The following TIAM2 variants were observed in gnomAD, a reference collection of about 807,000 sequenced individuals.
The protein encoded by TIAM2 is rho guanine nucleotide exchange factor TIAM2.
In TIAM2, 80 loss-of-function variants were observed where a neutral mutation model predicts 152.9. The observed-to-expected ratio is 0.52, with a 90% CI of 0.44 to 0.63. The LOEUF (loss-of-function observed/expected upper bound fraction) is 0.63, where lower values mean the gene tolerates loss of function less well. Among genes scored for constraint, TIAM2 ranks in the 30% least tolerant of loss-of-function variants. The probability of loss-of-function intolerance (pLI) is 0.00; values close to 1 mark genes in which losing one functional copy is unlikely to be tolerated. For synonymous variants in TIAM2, 804 were observed against 838.0 expected (o/e 0.96, Z 0.70); for missense variants, 1,965 against 2,120.1 (o/e 0.93, Z 1.44).
chr6:155,210,870 G>C (rs1001128668), intron 14 of TIAM2, among the ~76,000 whole-genome samples: 3 of 152,208 alleles, frequency 2.0e-5, no homozygotes, highest in African/African-American at 7.2e-5. Flanking sequence ...GTTGCTGTTT[G>C]ATTGTAGGTC....
intron 1 of TIAM2, among the ~76,000 whole-genome samples, chr6:155,063,946 A>G (rs1041475382): frequency 6.6e-6 from 1 of 152,178 alleles, no homozygotes; most frequent in Admixed American, 6.5e-5. Context: ...GAAATTATGT[A>G]GCATGAAAGG....
At chr6:155,180,285 TCAAAA>T (rs1448049460) in intron 12 of TIAM2, among the ~76,000 whole-genome samples, 3 of 152,136 alleles carry the variant, frequency 2.0e-5, no homozygotes, top group Admixed American at 2.0e-4. Flanking sequence ...AAACTCCGTC[TCAAAA>T]CAAAACAAAA....
chr6:155,215,612 G>C (rs1781835095), intron 15 of TIAM2, among the ~76,000 whole-genome samples: 1 of 151,920 alleles, frequency 6.6e-6, no homozygotes, highest in Non-Finnish European at 1.5e-5. Context: ...AGAAGAATCA[G>C]TGGCCACCAA....
chr6:155,028,749 CATATA>C lies in TIAM2; in HGVS notation c.-209+33263_-209+33267del, dbSNP rs1267417833. 8.1e-5 allele frequency among the ~76,000 whole-genome samples: 10 copies of C among 123,906 alleles called. 1 individual carries two copies. The highest frequency in any genetic ancestry group is 1.3e-4 in the Non-Finnish European group (8 of 63,138). The allele number at this position is 123,906 out of a possible 152,430, so 81.3% of individuals were successfully genotyped here. On this transcript the variant is annotated intron_variant, in intron 1 of 26. Transcript: ENST00000682666. ...AATATATATACTGTGTTATATACTA[CATATA>C]ATATATATACTGTGTTATATACTAC...
At chr6:155,210,538 T>C (rs73577439) in intron 14 of TIAM2, among the ~76,000 whole-genome samples, 2,455 of 152,178 alleles carry the variant, frequency 0.016, 75 homozygotes, top group African/African-American at 0.056. Flanking sequence ...AGTCTCACTA[T>C]GTTGCCCAGG....
intron 1 of TIAM2, chr6:155,016,227 A>C (rs1424809395): frequency 6.6e-6 from 1 of 152,230 alleles, no homozygotes; most frequent in Non-Finnish European, 1.5e-5. Flanking sequence ...TATTTATTGC[A>C]GCATTGTTTG....
chr6:155,170,205 T>C (rs1384704269), intron 9 of TIAM2, among the ~76,000 whole-genome samples: 1 of 113,480 alleles, frequency 8.8e-6, no homozygotes, highest in Non-Finnish European at 2.0e-5. Context: ...GTAATCGATA[T>C]AGTTTATATA....
intron 14 of TIAM2, among the ~76,000 whole-genome samples, chr6:155,188,164 CCACCATTGTCTTT>C (rs1049452125): frequency 1.8e-4 from 28 of 152,362 alleles, no homozygotes; most frequent in African/African-American, 6.7e-4. Flanking sequence ...TCCCAAACCT[CCACCATTGTCTTT>C]CCTCGTGCGC....
At chr6:155,010,479 G>T (rs1421924210) in intron 1 of TIAM2, among the ~76,000 whole-genome samples, 2 of 152,070 alleles carry the variant, frequency 1.3e-5, no homozygotes, top group East Asian at 3.9e-4. Flanking sequence ...TTTTGAGATG[G>T]AGTTTCGCTC....
intron 5 of TIAM2, among the ~76,000 whole-genome samples, chr6:155,142,397 A>G (rs937347689): frequency 6.6e-6 from 1 of 152,168 alleles, no homozygotes; most frequent in Non-Finnish European, 1.5e-5. Flanking sequence ...ACATTTTGGC[A>G]TTGGCCCAAG....
chr6:155,086,221 T>C (rs920578514), intron 1 of TIAM2, among the ~76,000 whole-genome samples: 17 of 152,204 alleles, frequency 1.1e-4, no homozygotes. Context: ...TTGTCATTGC[T>C]GGAAACAGAG....
chr6:155,161,407 C>G (rs1270642623), intron 7 of TIAM2, among the ~76,000 whole-genome samples: 1 of 151,672 alleles, frequency 6.6e-6, no homozygotes, highest in African/African-American at 2.4e-5. Flanking sequence ...CTCAAACTGT[C>G]TTTACCTCTC....
At chr6:155,112,725 C>T (rs1236092163) in intron 2 of TIAM2, among the ~76,000 whole-genome samples, 1 of 152,216 alleles carries the variant, frequency 6.6e-6, no homozygotes, top group East Asian at 1.9e-4. Flanking sequence ...CGGAAGCCTG[C>T]TCTGCTCTGC....
chr6:155,036,710 C>T (rs1324079309), intron 1 of TIAM2, among the ~76,000 whole-genome samples: 1 of 151,462 alleles, frequency 6.6e-6, no homozygotes, highest in African/African-American at 2.4e-5. Context: ...CTCCGCCTCC[C>T]AGGTTCAAGC....
chr6:155,206,376 C>T (rs1398827382), intron 14 of TIAM2, among the ~76,000 whole-genome samples: 2 of 152,128 alleles, frequency 1.3e-5, no homozygotes, highest in Non-Finnish European at 2.9e-5. Context: ...GCCTGGGGTA[C>T]AGGCACCCAC....
At chr6:155,026,382 CT>C (rs1195949827) in intron 1 of TIAM2, among the ~76,000 whole-genome samples, 1 of 152,198 alleles carries the variant, frequency 6.6e-6, no homozygotes, top group Non-Finnish European at 1.5e-5. Flanking sequence ...TAAGAATCAT[CT>C]TTTTGCAATG....
chr6:155,248,873 G>C (rs183831486), intron 20 of TIAM2, among the ~76,000 whole-genome samples: 1,851 of 152,284 alleles, frequency 0.012, 31 homozygotes, highest in Non-Finnish European at 0.015. Context: ...TGGGGAGAGA[G>C]AGGCTTATTA....
At chr6:155,130,567 A>C in intron 4 of TIAM2, 150 bp downstream of exon 4, 4 of 707,976 alleles carry the variant, frequency 5.6e-6, no homozygotes, top group Non-Finnish European at 9.2e-6. Context: ...GGCTCATCTC[A>C]TTTTCAAGTG....
At chr6:155,040,079 G>A (rs35521012) in intron 1 of TIAM2, among the ~76,000 whole-genome samples, 34,161 of 152,094 alleles carry the variant, frequency 0.22, 3,929 homozygotes, top group Middle Eastern at 0.29. Context: ...GTTACATTAT[G>A]AAGTTTTAGA....
Sources: gnomAD v4.1 joint callset for allele counts (sites outside exome capture counted in the v4.1 genomes callset) on GRCh38, gnomAD v4.1.1 for gene constraint, MANE v1.5 for transcripts, NCBI Gene and HGNC (gene_info 2026-07-23, HGNC 2026-07-21) for gene names.